LAMA3: variants seen among roughly 807,000 people sequenced by gnomAD.
LAMA3 encodes laminin subunit alpha 3.
LAMA3 carries 281 observed loss-of-function variants against 402.0 expected under a neutral mutation model. That is an observed-to-expected ratio of 0.70 (90% confidence interval 0.63 to 0.77). The LOEUF (loss-of-function observed/expected upper bound fraction) is 0.77. Ranked by LOEUF, LAMA3 falls within the 30% of genes least tolerant of loss-of-function variation. The probability of loss-of-function intolerance (pLI) is 0.00; values close to 1 mark genes in which losing one functional copy is unlikely to be tolerated. For missense variants in LAMA3, 3,840 were observed against 4,215.5 expected, an observed-to-expected ratio of 0.91 and a Z score of 2.47; for synonymous variants, 1,431 against 1,558.4, an observed-to-expected ratio of 0.92 and a Z score of 1.93.
chr18:23,936,526 A>G (rs2082320225), intron 67 of LAMA3, among the ~76,000 whole-genome samples: 1 of 151,924 alleles, frequency 6.6e-6, no homozygotes, highest in Non-Finnish European at 1.5e-5. Flanking sequence ...CATCAGTTAA[A>G]GCGAAGGGTG....
intron 54 of LAMA3, 101 bp from the exon 55 acceptor site, chr18:23,909,052 G>A: frequency 1.8e-6 from 2 of 1,133,664 alleles, no homozygotes; most frequent in Non-Finnish European, 2.6e-6. Context: ...AACATCTGGG[G>A]ACCAAACATG....
intron 41 of LAMA3, among the ~76,000 whole-genome samples, chr18:23,889,020 T>C (rs542654281): frequency 6.6e-6 from 1 of 152,090 alleles, no homozygotes; most frequent in South Asian, 2.1e-4. Context: ...TACTATACTA[T>C]CTAGAATAAA....
At chr18:23,909,637 GCACAGGACCTA>G (rs1428313677) in intron 55 of LAMA3, among the ~76,000 whole-genome samples, 1 of 152,206 alleles carries the variant, frequency 6.6e-6, no homozygotes. Context: ...GTGTGATACT[GCACAGGACCTA>G]CCCTCCTATT....
At chr18:23,844,971 A>C in intron 29 of LAMA3, 38 bp from the exon 30 acceptor site, 1 of 1,171,010 alleles carries the variant, frequency 8.5e-7, no homozygotes, top group Non-Finnish European at 1.3e-6. Context: ...CTGTGTCATC[A>C]TTGGAAATTC....
At chr18:23,835,716 TG>T (rs2063568712) in intron 24 of LAMA3, among the ~76,000 whole-genome samples, 1 of 152,172 alleles carries the variant, frequency 6.6e-6, no homozygotes, top group Non-Finnish European at 1.5e-5. Context: ...GCTACAAGTA[TG>T]GGAGTCCAAA....
rs147567356 is a variant in LAMA3 at position 23,866,072 on chromosome 18, G to A, written c.4683+1189G>A. Reference sequence around the variant, plus strand: ...GGTCTCAAACTCCTGACCTCAAGTAGTCCACCCACCACTGAGGGGACGTTT... The same window carrying A: ...GGTCTCAAACTCCTGACCTCAAGTAATCCACCCACCACTGAGGGGACGTTT... On this transcript the variant is annotated intron_variant, in intron 36 of 74. Coordinates refer to ENST00000313654, the MANE Select transcript of LAMA3 (RefSeq NM_198129.4). Among the ~76,000 whole-genome samples, 514 of 152,296 alleles carry A rather than the reference G, an allele frequency of 3.4e-3. 6 individuals carry two copies. The highest frequency in any genetic ancestry group is 0.012 in the African/African-American group (494 of 41,576).
chr18:23,884,886 AGAG>A (rs756335849), intron 41 of LAMA3, 33 bp downstream of exon 41: 1 of 1,554,680 alleles, frequency 6.4e-7, no homozygotes, highest in East Asian at 2.3e-5. Context: ...CTCAGCCTGC[AGAG>A]GGGGCGGGGA....
chr18:23,908,859 A>G (rs1485558271), intron 54 of LAMA3, among the ~76,000 whole-genome samples: 3 of 152,256 alleles, frequency 2.0e-5, no homozygotes, highest in African/African-American at 4.8e-5. Context: ...GGGTGGGACC[A>G]TATGAGATTT....
chr18:23,787,211 G>A (rs1479056754), intron 12 of LAMA3, among the ~76,000 whole-genome samples: 1 of 152,182 alleles, frequency 6.6e-6, no homozygotes, highest in Non-Finnish European at 1.5e-5. Flanking sequence ...GAACCTGGGA[G>A]GCAGAAGTTG....
At position 23,816,446 on chromosome 18, in the gene LAMA3, G is replaced by A. The variant is rs776615217; in HGVS notation, c.2106G>A (p.Val702=). Residue 702 remains valine, a synonymous_variant, in exon 18 of 75, where the codon GTG becomes GTA. Coordinates refer to ENST00000313654, the MANE Select transcript of LAMA3 (RefSeq NM_198129.4). ...CCATGTGCAGTGGGCCCTCGGGAGT[G>A]TGCCAGTGCCGAGAGCATGTCGTGG... ...LSSMCSGPSG[V]CQCREHVVGK... The A allele has an allele frequency of 6.2e-7, 1 of 1,614,126 alleles. No individual in the cohort carries two copies. The highest frequency in any genetic ancestry group is 1.3e-5 in the African/African-American group (1 of 75,030).
chr18:23,749,539 A>G lies in LAMA3; in HGVS notation c.677A>G (p.Asn226Ser). Residue 226 changes from asparagine (N) to serine (S), a missense_variant, in exon 4 of 75, where the codon AAT (asparagine) becomes AGT (serine). Asn to Ser is a conservative substitution (Grantham distance 46, BLOSUM62 1). Transcript: ENST00000313654. ...TEYSRIVPLE[N>S]GEVVVSLING... ...TATTCCCGTATTGTACCTTTGGAAA[A>G]TGGTGAGGTAAGTAGATTTGGAAGA... The G allele has an allele frequency of 6.4e-7, 1 of 1,563,766 alleles. No individual in the cohort carries two copies. Among genetic ancestry groups the G allele is most frequent in the South Asian group, 1.1e-5 (1 of 90,022 alleles).
At chr18:23,831,326 T>C (rs915731460) in intron 23 of LAMA3, among the ~76,000 whole-genome samples, 1 of 152,134 alleles carries the variant, frequency 6.6e-6, no homozygotes, top group African/African-American at 2.4e-5. Context: ...TTTATTATAC[T>C]CCCTCTTGCT....
chr18:23,931,037 TG>T, intron 64 of LAMA3, 24 bp from the exon 65 acceptor site: 1 of 1,602,420 alleles, frequency 6.2e-7, no homozygotes, highest in Non-Finnish European at 8.6e-7. Context: ...AATTAGTTGA[TG>T]GGTATTTTCT....
chr18:23,743,800 CCTCTCCAT>C (rs756981667), intron 2 of LAMA3, among the ~76,000 whole-genome samples: 5 of 152,274 alleles, frequency 3.3e-5, no homozygotes, highest in Non-Finnish European at 7.4e-5. Flanking sequence ...CAACTCAGTC[CCTCTCCAT>C]CATTTCTCCC....
intron 40 of LAMA3, among the ~76,000 whole-genome samples, chr18:23,883,022 C>CTGAAGTTAG (rs2064952775): frequency 6.6e-6 from 1 of 152,136 alleles, no homozygotes; most frequent in Non-Finnish European, 1.5e-5. Context: ...GTATTTTGGC[C>CTGAAGTTAG]ACGAGGCTCC....
At chr18:23,858,862 T>C in intron 34 of LAMA3, 33 bp downstream of exon 34, 1 of 1,607,904 alleles carries the variant, frequency 6.2e-7, no homozygotes, top group Non-Finnish European at 8.5e-7. Context: ...GGGGAACATT[T>C]TGTACATGGA....
At chr18:23,932,066 A>G (rs2082176418) in intron 65 of LAMA3, 94 bp from the exon 66 acceptor site, 3 of 1,431,384 alleles carry the variant, frequency 2.1e-6, no homozygotes, top group Non-Finnish European at 2.9e-6. Flanking sequence ...GATAACAAAT[A>G]TTGAATCTGA....
At chr18:23,734,113 C>T (rs747767105) in intron 2 of LAMA3, among the ~76,000 whole-genome samples, 6 of 152,198 alleles carry the variant, frequency 3.9e-5, no homozygotes, top group South Asian at 2.1e-4. Flanking sequence ...ACATCTCTGC[C>T]GTCTCAACTT....
At chr18:23,896,323 G>C (rs535827648) in intron 44 of LAMA3, among the ~76,000 whole-genome samples, 1 of 152,120 alleles carries the variant, frequency 6.6e-6, no homozygotes, top group African/African-American at 2.4e-5. Context: ...GTGACACAGC[G>C]AGACTCCATC....
Sources: allele counts gnomAD v4.1 joint callset (sites outside exome capture counted in the v4.1 genomes callset), GRCh38; gene constraint gnomAD v4.1.1; transcripts MANE v1.5; gene names NCBI Gene and HGNC (gene_info 2026-07-23, HGNC 2026-07-21).